The following XKR9 variants were observed in gnomAD, a reference collection of about 807,000 sequenced individuals.
XKR9 encodes XK-related protein 9.
A neutral mutation model predicts 32.0 loss-of-function variants in XKR9; 32 were observed. The ratio of observed to expected loss-of-function variants is 1.00; its 90% CI spans 0.76 to 1.34. The LOEUF is 1.34. XKR9 is among the 40% of genes most tolerant of loss of function. The pLI, the probability that XKR9 is intolerant of heterozygous loss-of-function variation, is 0.00. For synonymous variants in XKR9, 168 were observed against 143.4 expected, an observed-to-expected ratio of 1.17 and a Z score of -1.22; for missense variants, 546 against 429.7, an observed-to-expected ratio of 1.27 and a Z score of -2.39.
At chr8:70,733,097 A>G (rs2132242359) in intron 4 of XKR9, among the ~76,000 whole-genome samples, 1 of 152,294 alleles carries the variant, frequency 6.6e-6, no homozygotes, top group South Asian at 2.1e-4. Flanking sequence ...ACAGAGTGAG[A>G]CTCCATCTCA....
the XKR9 span, among the ~76,000 whole-genome samples, chr8:70,968,731 G>A: frequency 6.6e-6 from 1 of 152,126 alleles, no homozygotes; most frequent in East Asian, 1.9e-4. Flanking sequence ...GTCCACTCCA[G>A]ACCTCATTTG....
At chr8:70,848,472 G>C in the XKR9 span, among the ~76,000 whole-genome samples, 1 of 151,838 alleles carries the variant, frequency 6.6e-6, no homozygotes. Flanking sequence ...GAAATGAAAG[G>C]CATCTAAGTT....
the XKR9 span, among the ~76,000 whole-genome samples, chr8:71,004,416 G>A: frequency 6.6e-6 from 1 of 152,146 alleles, no homozygotes; most frequent in South Asian, 2.1e-4. Context: ...AGGCAGGGTT[G>A]GCTTGGGGGA....
chr8:71,034,009 G>A, the XKR9 span, among the ~76,000 whole-genome samples: 1 of 152,218 alleles, frequency 6.6e-6, no homozygotes, highest in African/African-American at 2.4e-5. Context: ...TTAAGATCAA[G>A]AAGAAACTTT....
the XKR9 span, among the ~76,000 whole-genome samples, chr8:70,986,663 G>A: frequency 6.6e-6 from 1 of 152,160 alleles, no homozygotes; most frequent in Non-Finnish European, 1.5e-5. Flanking sequence ...GAGGAACATA[G>A]ACCATGCAAA....
chr8:70,884,289 C>T, the XKR9 span, among the ~76,000 whole-genome samples: 5 of 152,108 alleles, frequency 3.3e-5, no homozygotes, highest in African/African-American at 9.6e-5. Context: ...ATCCTTTATT[C>T]AATATGTTTT....
the XKR9 span, among the ~76,000 whole-genome samples, chr8:70,962,569 C>T: frequency 3.3e-5 from 5 of 152,182 alleles, no homozygotes; most frequent in Non-Finnish European, 5.9e-5. Flanking sequence ...TAGCATTCCA[C>T]GGTGTATACT....
the XKR9 span, among the ~76,000 whole-genome samples, chr8:70,927,037 A>G: frequency 1.3e-5 from 2 of 151,682 alleles, no homozygotes; most frequent in African/African-American, 4.9e-5. Flanking sequence ...AGGTAGGTGT[A>G]TTTATGTATA....
In XKR9 at chr8:70,694,245, C is replaced by T. The variant is rs560605328; in HGVS notation, c.273-12688C>T. On this transcript the variant is annotated intron_variant, in intron 3 of 4. Coordinates refer to ENST00000408926, the MANE Select transcript of XKR9 (RefSeq NM_001011720.2). ...ACCCAGTGAGCAGGAACAGGATTGGCACCCACTTAAAACAGTCTGGCCACA... is the reference window on the plus strand; with the variant it reads ...ACCCAGTGAGCAGGAACAGGATTGGTACCCACTTAAAACAGTCTGGCCACA... 2.6e-5 allele frequency among the ~76,000 whole-genome samples: 4 copies of T among 152,326 alleles called. No individual in the cohort carries two copies. In the South Asian group the frequency reaches 6.2e-4, roughly 24 times the overall value.
intron 2 of XKR9, among the ~76,000 whole-genome samples, chr8:70,783,575 G>A (rs1807644929): frequency 1.3e-5 from 2 of 152,066 alleles, no homozygotes; most frequent in South Asian, 4.1e-4. Flanking sequence ...TTTTAACTGA[G>A]TTGTTTGAGC....
chr8:70,916,840 C>T, the XKR9 span, among the ~76,000 whole-genome samples: 1 of 150,898 alleles, frequency 6.6e-6, no homozygotes. Context: ...TTTCCCTTAG[C>T]AATACTTTAT....
intron 4 of XKR9, among the ~76,000 whole-genome samples, chr8:70,716,219 A>C (rs1012386652): frequency 1.3e-5 from 2 of 152,176 alleles, no homozygotes; most frequent in African/African-American, 2.4e-5. Context: ...CAAGTGAGGA[A>C]ACAAGGCAGT....
At chr8:71,000,213 G>C in the XKR9 span, among the ~76,000 whole-genome samples, 1 of 152,226 alleles carries the variant, frequency 6.6e-6, no homozygotes, top group African/African-American at 2.4e-5. Context: ...AAATGATTTA[G>C]TGTTATTAAA....
chr8:70,813,410 G>A, the XKR9 span, among the ~76,000 whole-genome samples: 1 of 152,094 alleles, frequency 6.6e-6, no homozygotes. Context: ...AACACCAAAA[G>A]CAATGGCAAC....
chr8:70,795,798 GTTCATGCCC>G, the XKR9 span, among the ~76,000 whole-genome samples: 1 of 151,814 alleles, frequency 6.6e-6, no homozygotes, highest in African/African-American at 2.4e-5. Flanking sequence ...AAAACTGTCT[GTTCATGCCC>G]TTTGCCCACT....
the XKR9 span, among the ~76,000 whole-genome samples, chr8:70,913,692 C>T: frequency 1.2e-3 from 180 of 152,156 alleles, 1 homozygote; most frequent in Non-Finnish European, 2.4e-3. Context: ...GCTTAGGACA[C>T]GGATTAAGAA....
At chr8:70,782,738 C>A (rs987147482) in intron 2 of XKR9, among the ~76,000 whole-genome samples, 1 of 152,054 alleles carries the variant, frequency 6.6e-6, no homozygotes, top group African/African-American at 2.4e-5. Context: ...TCCATGTTTT[C>A]AGAAATGATA....
At chr8:70,924,588 T>G in the XKR9 span, among the ~76,000 whole-genome samples, 6 of 152,190 alleles carry the variant, frequency 3.9e-5, no homozygotes, top group Non-Finnish European at 8.8e-5. Context: ...TACCTCTCTG[T>G]CTGGATTCTG....
At chr8:70,959,193 T>C in the XKR9 span, among the ~76,000 whole-genome samples, 44 of 152,282 alleles carry the variant, frequency 2.9e-4, 1 homozygote, top group South Asian at 8.3e-3. Context: ...TGTCAAATAG[T>C]AGAGAAGTGT....
Sources: allele counts gnomAD v4.1 joint callset (sites outside exome capture counted in the v4.1 genomes callset), GRCh38; gene constraint gnomAD v4.1.1; transcripts MANE v1.5; gene names NCBI Gene and HGNC (gene_info 2026-07-23, HGNC 2026-07-21).